SOAT2: variants seen among roughly 807,000 people sequenced by gnomAD.
SOAT2 encodes the protein sterol O-acyltransferase 2.
SOAT2 carries 87 observed loss-of-function variants against 76.0 expected under a neutral mutation model. That is an observed-to-expected ratio of 1.14 (90% CI 0.96 to 1.37). The LOEUF (loss-of-function observed/expected upper bound fraction) is 1.37. Among genes scored for constraint, SOAT2 ranks in the 40% most tolerant of loss-of-function variants. The pLI is 0.00. For missense variants in SOAT2, 686 were observed against 682.1 expected (o/e 1.01, Z -0.06); for synonymous variants, 285 against 275.4 (o/e 1.03, Z -0.34).
At chr12:53,106,056 C>T (rs1937930111) in intron 5 of SOAT2, 42 bp downstream of exon 5, 1 of 1,451,614 alleles carries the variant, frequency 6.9e-7, no homozygotes, top group Non-Finnish European at 9.7e-7. Flanking sequence ...CCTATCTGAT[C>T]AGACCCTCTG....
rs1308804464 is a variant in SOAT2, at chr12:53,103,654, G to A, written c.77G>A (p.Gly26Glu). ...LGGERERQPC[G>E]DGNTETHRAP... ...GGGGAGCGGGAGCGCCAACCCTGTG[G>A]AGATGGTGAGCCGCCCTCGGGGGTG... The change falls in exon 1 of 15, where the codon GGA (glycine) becomes GAA (glutamate). Residue 26 changes from glycine (G) to glutamate (E), a missense_variant. Coordinates refer to ENST00000301466, the MANE Select transcript of SOAT2 (RefSeq NM_003578.4). 11 of 1,532,974 alleles carry A rather than the reference G, an allele frequency of 7.2e-6. No homozygotes were observed. Among genetic ancestry groups the A allele is most frequent in the Non-Finnish European group, 9.6e-6 (11 of 1,141,392 alleles). 95.0% of individuals were successfully genotyped at this position (1,532,974 alleles called of 1,614,324 possible).
Position 53,117,022 on chromosome 12 carries a change from G to A in SOAT2, c.778+856G>A, listed in dbSNP as rs113410395. Among the ~76,000 whole-genome samples, 813 of 148,048 alleles carry A rather than the reference G, an allele frequency of 5.5e-3. 8 individuals are homozygous for A. Among genetic ancestry groups the A allele is most frequent in the African/African-American group, 0.019 (757 of 39,850 alleles). On this transcript the variant is annotated intron_variant, in intron 7 of 14. Coordinates refer to ENST00000301466, the MANE Select transcript of SOAT2 (RefSeq NM_003578.4). The stretch of plus-strand genomic sequence containing the variant: ...TTCCCAGGCTGGAGTGCAGTGGCAC[G>A]ATCTTGGCTCACTGCAGCCTCCACC...
Position 53,103,587 on chromosome 12 carries a change from G to A in SOAT2, c.10G>A (p.Gly4Ser). 6.5e-7 allele frequency: 1 copy of A among 1,546,528 alleles called. No homozygotes were observed. Residue 4 changes from glycine (G) to serine (S), a missense_variant, in exon 1 of 15, where the codon GGC (glycine) becomes AGC (serine). Coordinates refer to ENST00000301466, the MANE Select transcript of SOAT2 (RefSeq NM_003578.4). ...CGCTGGAGACCGCACCATGGAGCCA[G>A]GCGGGGCCCGTCTGCGTCTGCAGAG... MEP[G>S]GARLRLQRTE...
intron 5 of SOAT2, among the ~76,000 whole-genome samples, chr12:53,111,830 C>T (rs1938016179): frequency 6.6e-6 from 1 of 152,064 alleles, no homozygotes; most frequent in South Asian, 2.1e-4. Flanking sequence ...CTAGTCTTTC[C>T]TTTTTTCTGT....
rs746112204 is a variant in SOAT2 at position 53,119,265 on chromosome 12, AAGGT to A, written c.1039+16_1039+19del. 4.3e-6 allele frequency: 7 copies of A among 1,613,564 alleles called. No homozygotes were observed. The highest frequency in any genetic ancestry group is 1.1e-5 in the South Asian group (1 of 91,042). Reference sequence around the variant, plus strand: ...TGCCACGTTGCCAGGTGAGCCAACTAAGGTAGGGCTAGAGCAGCTGTGCCCTGGG... The same window carrying A: ...TGCCACGTTGCCAGGTGAGCCAACTAAGGGCTAGAGCAGCTGTGCCCTGGG... On this transcript the variant is annotated intron_variant, in intron 10 of 14. Coordinates refer to ENST00000301466, the MANE Select transcript of SOAT2 (RefSeq NM_003578.4).
chr12:53,103,607 G>A lies in SOAT2; in HGVS notation c.30G>A (p.Leu10=). 6.5e-7 allele frequency: 1 copy of A among 1,546,762 alleles called. No individual in the cohort carries two copies. Among genetic ancestry groups the A allele is most frequent in the Non-Finnish European group, 8.7e-7 (1 of 1,146,672 alleles). MEPGGARLR[L]QRTEGLGGER... ...AGCCAGGCGGGGCCCGTCTGCGTCT[G>A]CAGAGGACAGAAGGGCTGGGAGGGG... The change falls in exon 1 of 15, where the codon CTG becomes CTA. Residue 10 remains leucine (L), a synonymous_variant. Transcript: ENST00000301466.
rs1181188813 is a variant in SOAT2 at position 53,115,673 on chromosome 12, TGACG to T, written c.708+23_708+26del. 6.7e-7 allele frequency: 1 copy of T among 1,495,314 alleles called. No homozygotes were observed. The highest frequency in any genetic ancestry group is 8.9e-7 in the Non-Finnish European group (1 of 1,128,272). 92.6% of individuals were successfully genotyped at this position (1,495,314 alleles called of 1,614,324 possible). A position where few individuals can be genotyped will look rare whatever the true frequency, so the allele number is the denominator to read the frequency against. On this transcript the variant is annotated intron_variant, in intron 6 of 14. Transcript: ENST00000301466. Reference sequence around the variant, plus strand: ...CGAGCAGGTGAGGGCCGAGCCCTGCTGACGGACAGGAAGGAACCAGCTGGTGGGG... The same window carrying T: ...CGAGCAGGTGAGGGCCGAGCCCTGCTGACAGGAAGGAACCAGCTGGTGGGG...
intron 1 of SOAT2, 134 bp from the exon 2 acceptor site, chr12:53,104,017 A>G (rs2280700): frequency 0.086 from 70,293 of 818,722 alleles, 3,567 homozygotes; most frequent in East Asian, 0.18. Flanking sequence ...AGCCCCAACC[A>G]TGATACTAGA....
In SOAT2 at chr12:53,105,639, A is replaced by G. The variant is rs776801042; in HGVS notation, c.335+19A>G. On this transcript the variant is annotated intron_variant, in intron 4 of 14. Transcript: ENST00000301466. ...TGCTTGAGTAAGTCGGGGTGATGAC[A>G]AGTAATGGGAGGAAAAGAAAGGGCT... 42 of 1,602,260 alleles carry G rather than the reference A, an allele frequency of 2.6e-5. No individual in the cohort carries two copies. The highest frequency in any genetic ancestry group is 3.3e-5 in the Non-Finnish European group (39 of 1,172,002).
At chr12:53,103,710 G>C (rs765284559) in intron 1 of SOAT2, 51 bp downstream of exon 1, 1 of 1,367,906 alleles carries the variant, frequency 7.3e-7, no homozygotes, top group Non-Finnish European at 9.8e-7. Context: ...GGGGGAGGCG[G>C]GGAGAGATGC....
At chr12:53,121,473 C>T in intron 12 of SOAT2, 72 bp downstream of exon 12, 1 of 1,273,658 alleles carries the variant, frequency 7.9e-7, no homozygotes, top group Non-Finnish European at 1.1e-6. Context: ...TCCTTCCCTC[C>T]TGCTACAGTG....
At chr12:53,108,691 C>T (rs1306005267) in intron 5 of SOAT2, among the ~76,000 whole-genome samples, 1 of 152,238 alleles carries the variant, frequency 6.6e-6, no homozygotes, top group African/African-American at 2.4e-5. Flanking sequence ...TGTCCTGCTT[C>T]ATATTAATGA....
chr12:53,118,143 G>T (rs1938133325), intron 7 of SOAT2, among the ~76,000 whole-genome samples: 1 of 152,060 alleles, frequency 6.6e-6, no homozygotes, highest in African/African-American at 2.4e-5. Flanking sequence ...GACAGCAGAA[G>T]AGATGGTGTT....
intron 5 of SOAT2, among the ~76,000 whole-genome samples, chr12:53,113,100 C>G (rs1319490417): frequency 6.6e-6 from 1 of 152,112 alleles, no homozygotes; most frequent in African/African-American, 2.4e-5. Context: ...AGTTTACATG[C>G]TATCAAAGGG....
intron 2 of SOAT2, 40 bp downstream of exon 2, chr12:53,104,246 C>T (rs1252502448): frequency 6.8e-7 from 1 of 1,477,738 alleles, no homozygotes; most frequent in South Asian, 1.1e-5. Flanking sequence ...TGGACAGATC[C>T]TTGGTAGCAG....
intron 5 of SOAT2, among the ~76,000 whole-genome samples, chr12:53,111,179 C>T (rs1938006258): frequency 6.6e-6 from 1 of 150,718 alleles, no homozygotes; most frequent in African/African-American, 2.5e-5. Context: ...GATCTCGGCT[C>T]ACTGCAAGCT....
At chr12:53,104,972 G>T (rs1342806656) in intron 2 of SOAT2, 135 bp from the exon 3 acceptor site, 3 of 972,474 alleles carry the variant, frequency 3.1e-6, no homozygotes, top group African/African-American at 1.7e-5. Context: ...CCCCATCCCT[G>T]CTGACCCCCC....
chr12:53,115,725 C>T (rs1802273288), intron 6 of SOAT2, 71 bp downstream of exon 6: 4 of 1,432,386 alleles, frequency 2.8e-6, no homozygotes, highest in African/African-American at 1.4e-5. Context: ...AGGGGGAGTC[C>T]CCCAAAGAGG....
chr12:53,122,822 T>C (rs139406379), intron 12 of SOAT2, among the ~76,000 whole-genome samples: 33,535 of 151,926 alleles, frequency 0.22, 5,211 homozygotes, highest in African/African-American at 0.45. Context: ...ATTGTCATCA[T>C]GGCCCGTTCT....
Sources: allele counts gnomAD v4.1 joint callset (sites outside exome capture counted in the v4.1 genomes callset), GRCh38; gene constraint gnomAD v4.1.1; transcripts MANE v1.5; gene names NCBI Gene and HGNC (gene_info 2026-07-23, HGNC 2026-07-21).